PDE11A: variants seen among roughly 807,000 people sequenced by gnomAD.
PDE11A encodes the protein phosphodiesterase 11A.
In PDE11A, 100 loss-of-function variants were observed where a neutral mutation model predicts 100.5. That is an observed-to-expected ratio of 1.00 (90% CI 0.85 to 1.18). The LOEUF is 1.18. Ranked by LOEUF, PDE11A falls within the 50% of genes most tolerant of loss-of-function variation. The probability of loss-of-function intolerance (pLI) is 0.00; values close to 1 mark genes in which losing one functional copy is unlikely to be tolerated. For synonymous variants in PDE11A, 381 were observed against 420.8 expected (o/e 0.91, Z 1.16); for missense variants, 1,141 against 1,152.6 (o/e 0.99, Z 0.15).
At chr2:177,703,525 A>G (rs2081232226) in intron 13 of PDE11A, among the ~76,000 whole-genome samples, 1 of 152,234 alleles carries the variant, frequency 6.6e-6, no homozygotes, top group Non-Finnish European at 1.5e-5. Flanking sequence ...TCAAAATCTA[A>G]TTCAGAATTC....
At position 177,956,102 on chromosome 2, in the gene PDE11A, T is replaced by G. The variant is rs545775917; in HGVS notation, c.1072-50915A>C. Reference sequence around the variant, plus strand: ...AGAGCTTCTGCACAGCAAAAGAAACTACCATCAGAGTGAACAGGCAACCTA... The same window carrying G: ...AGAGCTTCTGCACAGCAAAAGAAACGACCATCAGAGTGAACAGGCAACCTA... On this transcript the variant is annotated intron_variant, in intron 2 of 19. Transcript: ENST00000286063. 1.2e-4 allele frequency among the ~76,000 whole-genome samples: 19 copies of G among 152,002 alleles called. No individual in the cohort carries two copies. The South Asian group carries it at 1.9e-3, about 15-fold the overall frequency.
At chr2:177,749,436 T>C (rs1401328318) in intron 10 of PDE11A, among the ~76,000 whole-genome samples, 1 of 152,216 alleles carries the variant, frequency 6.6e-6, no homozygotes, top group Non-Finnish European at 1.5e-5. Context: ...TTTTTTATAC[T>C]TTCTTCCCAG....
intron 4 of PDE11A, among the ~76,000 whole-genome samples, chr2:177,891,474 T>C (rs918820011): frequency 1.3e-5 from 2 of 152,238 alleles, no homozygotes; most frequent in African/African-American, 4.8e-5. Context: ...TGAAAGTGCT[T>C]ATTCTCATCA....
intron 9 of PDE11A, among the ~76,000 whole-genome samples, chr2:177,800,552 A>G (rs1172043104): frequency 6.6e-6 from 1 of 152,170 alleles, no homozygotes; most frequent in East Asian, 1.9e-4. Context: ...GCGTATGCTG[A>G]GGATTGAGAT....
chr2:177,880,021 C>A (rs142004749), intron 4 of PDE11A, among the ~76,000 whole-genome samples: 1 of 152,276 alleles, frequency 6.6e-6, no homozygotes, highest in East Asian at 1.9e-4. Context: ...CTTCAGCATT[C>A]CATAGAATGC....
intron 12 of PDE11A, among the ~76,000 whole-genome samples, chr2:177,719,617 T>A (rs1443371454): frequency 6.6e-6 from 1 of 152,140 alleles, no homozygotes; most frequent in Admixed American, 6.6e-5. Flanking sequence ...ATATTCCTAA[T>A]CTGTGTCATC....
chr2:178,044,558 C>T (rs2086726134), intron 1 of PDE11A, among the ~76,000 whole-genome samples: 1 of 151,784 alleles, frequency 6.6e-6, no homozygotes, highest in Non-Finnish European at 1.5e-5. Flanking sequence ...ATCATGGTCA[C>T]ATAAGAAGTT....
chr2:177,766,439 A>T (rs1431564702), intron 10 of PDE11A, among the ~76,000 whole-genome samples: 1 of 152,332 alleles, frequency 6.6e-6, no homozygotes, highest in South Asian at 2.1e-4. Context: ...AACTGATTCC[A>T]GACTTCAAAT....
chr2:177,696,695 T>C (rs1212564859), intron 15 of PDE11A, among the ~76,000 whole-genome samples: 1 of 152,142 alleles, frequency 6.6e-6, no homozygotes, highest in African/African-American at 2.4e-5. Context: ...AAGATCTCCA[T>C]GGGGTCAAAT....
chr2:177,929,067 G>A (rs555824824), intron 2 of PDE11A, among the ~76,000 whole-genome samples: 113 of 152,240 alleles, frequency 7.4e-4, no homozygotes, highest in South Asian at 3.7e-3. Flanking sequence ...AGGGGAACTT[G>A]AGTGTTGCAC....
At chr2:177,817,046 T>C in intron 8 of PDE11A, 125 bp from the exon 9 acceptor site, 1 of 712,486 alleles carries the variant, frequency 1.4e-6, no homozygotes, top group Non-Finnish European at 2.6e-6. Context: ...AGGTAGGCCT[T>C]GGGGAAATAG....
At chr2:178,081,850 C>T (rs1347701323) in intron 2 of PDE11A, among the ~76,000 whole-genome samples, 1 of 152,222 alleles carries the variant, frequency 6.6e-6, no homozygotes, top group African/African-American at 2.4e-5. Context: ...GGTTTCCTCA[C>T]AAAAGGACAC....
chr2:177,704,556 G>A (rs10497491), intron 13 of PDE11A, among the ~76,000 whole-genome samples: 2,604 of 152,100 alleles, frequency 0.017, 67 homozygotes, highest in African/African-American at 0.059. Flanking sequence ...CAAGTCTACA[G>A]TCTTGATATA....
chr2:177,948,658 C>A (rs1198935559), intron 2 of PDE11A, among the ~76,000 whole-genome samples: 2 of 152,134 alleles, frequency 1.3e-5, no homozygotes, highest in Non-Finnish European at 2.9e-5. Flanking sequence ...AATCTCAACA[C>A]TTTGGGAGGC....
At chr2:177,886,650 A>G (rs1371279859) in intron 4 of PDE11A, among the ~76,000 whole-genome samples, 3 of 152,240 alleles carry the variant, frequency 2.0e-5, no homozygotes, top group Non-Finnish European at 2.9e-5. Flanking sequence ...AAATAGAAAT[A>G]AAACTTACTT....
chr2:177,634,139 T>C (rs1357918670), intron 19 of PDE11A, among the ~76,000 whole-genome samples: 1 of 152,220 alleles, frequency 6.6e-6, no homozygotes, highest in African/African-American at 2.4e-5. Context: ...TTTAAGTTTA[T>C]TTGGCATAGC....
At chr2:178,026,224 A>G (rs1043379614) in intron 1 of PDE11A, among the ~76,000 whole-genome samples, 5 of 152,204 alleles carry the variant, frequency 3.3e-5, no homozygotes, top group Non-Finnish European at 7.3e-5. Flanking sequence ...TCTCAATCAA[A>G]TGCTGATCCT....
chr2:177,879,452 T>C (rs1198853569), intron 4 of PDE11A, among the ~76,000 whole-genome samples: 5 of 152,178 alleles, frequency 3.3e-5, no homozygotes, highest in African/African-American at 1.2e-4. Context: ...ATACGTACCG[T>C]CTTATGTGTC....
chr2:177,665,829 C>T (rs1262600309), intron 18 of PDE11A, among the ~76,000 whole-genome samples: 2 of 148,576 alleles, frequency 1.3e-5, no homozygotes. Flanking sequence ...TGCACTCCAG[C>T]CTCGGCGACA....
Sources: allele counts gnomAD v4.1 joint callset (sites outside exome capture counted in the v4.1 genomes callset), GRCh38; gene constraint gnomAD v4.1.1; transcripts MANE v1.5; gene names NCBI Gene and HGNC (gene_info 2026-07-23, HGNC 2026-07-21).